EVI5: variants seen among roughly 807,000 people sequenced by gnomAD.
EVI5 encodes ecotropic viral integration site 5 protein homolog.
A neutral mutation model predicts 112.0 loss-of-function variants in EVI5; 73 were observed. The ratio of observed to expected loss-of-function variants is 0.65; its 90% CI spans 0.54 to 0.79. The LOEUF (loss-of-function observed/expected upper bound fraction) is 0.79, where lower values mean the gene tolerates loss of function less well. Ranked by LOEUF, EVI5 falls within the 30% of genes least tolerant of loss-of-function variation. The probability of loss-of-function intolerance (pLI) is 0.00; values close to 1 mark genes in which losing one functional copy is unlikely to be tolerated. For synonymous variants in EVI5, 305 were observed against 319.9 expected (o/e 0.95, Z 0.50); for missense variants, 900 against 968.8 (o/e 0.93, Z 0.94).
At chr1:92,666,073 A>G in intron 10 of EVI5, 81 bp from the exon 11 acceptor site, 1 of 827,824 alleles carries the variant, frequency 1.2e-6, no homozygotes, top group Non-Finnish European at 2.0e-6. Flanking sequence ...CTGAAAATGT[A>G]TCACCTTTTA....
chr1:92,587,060 T>C (rs1219183228), intron 18 of EVI5, among the ~76,000 whole-genome samples: 5 of 152,140 alleles, frequency 3.3e-5, no homozygotes, highest in African/African-American at 7.2e-5. Context: ...ATTCTAGATA[T>C]AGCAATATCC....
chr1:92,541,637 T>C (rs1157887059), intron 19 of EVI5, among the ~76,000 whole-genome samples: 1 of 152,146 alleles, frequency 6.6e-6, no homozygotes, highest in Non-Finnish European at 1.5e-5. Context: ...AATGAAAACA[T>C]ACGTTTATAT....
At chr1:92,525,574 T>G (rs1661737757) in intron 19 of EVI5, among the ~76,000 whole-genome samples, 1 of 152,162 alleles carries the variant, frequency 6.6e-6, no homozygotes, top group Admixed American at 6.5e-5. Flanking sequence ...CGGCCAACAA[T>G]GCTATTTTGA....
chr1:92,679,787 T>C (rs1385160112), intron 9 of EVI5, among the ~76,000 whole-genome samples: 1 of 152,226 alleles, frequency 6.6e-6, no homozygotes, highest in African/African-American at 2.4e-5. Context: ...GACCATTCCG[T>C]CCTTCAAATG....
rs146772741 is a variant in EVI5 at position 92,695,469 on chromosome 1, T to C, written c.766-16A>G. On this transcript the variant is annotated splice_polypyrimidine_tract_variant and intron_variant, in intron 6 of 19. Coordinates refer to ENST00000684568, the MANE Select transcript of EVI5 (RefSeq NM_001350197.2). ...GAAGATGCTCCTAAAGAGAAGAAAA[T>C]AATTAGTTATAACACAGTAAAACTG... The C allele has an allele frequency of 5.8e-4, 895 of 1,541,014 alleles. 7 individuals are homozygous for C. In the African/African-American group the frequency reaches 9.6e-3, roughly 16 times the overall value.
chr1:92,613,487 T>C (rs1571889456), intron 16 of EVI5, among the ~76,000 whole-genome samples: 4 of 152,214 alleles, frequency 2.6e-5, no homozygotes, highest in Admixed American at 2.0e-4. Context: ...TTAGTAGAGA[T>C]GGGGTTTCAC....
chr1:92,657,894 G>A (rs1663287701), intron 13 of EVI5, among the ~76,000 whole-genome samples: 1 of 152,030 alleles, frequency 6.6e-6, no homozygotes, highest in African/African-American at 2.4e-5. Flanking sequence ...TAGGGGAGGG[G>A]GTTGCCACAC....
chr1:92,753,134 A>AG (rs1680444510), intron 1 of EVI5, among the ~76,000 whole-genome samples: 1 of 28,980 alleles, frequency 3.5e-5, no homozygotes, highest in African/African-American at 6.3e-5. Context: ...AGAGTCAGGC[A>AG]AAAAAAAAAA....
At chr1:92,629,705 G>A (rs1184869099) in intron 14 of EVI5, among the ~76,000 whole-genome samples, 2 of 151,378 alleles carry the variant, frequency 1.3e-5, no homozygotes, top group African/African-American at 2.4e-5. Flanking sequence ...TAGGGTACAT[G>A]TGCACAATGT....
chr1:92,664,425 C>A (rs1165182684), intron 11 of EVI5, among the ~76,000 whole-genome samples: 1 of 149,726 alleles, frequency 6.7e-6, no homozygotes. Flanking sequence ...CATTCTCATT[C>A]CGAAGGTTCA....
rs1423302089 is a variant in EVI5 at position 92,605,390 on chromosome 1, C to A, written c.1987G>T (p.Val663Leu). 2.5e-6 allele frequency: 4 copies of A among 1,611,486 alleles called. No homozygotes were observed. The South Asian group carries it at 4.4e-5, about 18-fold the overall frequency. Reference sequence around the variant, plus strand: ...GCTTCCCGAAGCCTCACAGCCATCACTTCTTCCTTATTCTAGTGTGGTAAA... The same window carrying A: ...GCTTCCCGAAGCCTCACAGCCATCAATTCTTCCTTATTCTAGTGTGGTAAA... ...AEIECKNKEE[V>L]MAVRLREADS... The change falls in exon 18 of 20, where the codon GTG becomes TTG. Residue 663 changes from valine (V) to leucine (L), a missense_variant. Physicochemically the swap from Val to Leu is conservative, Grantham distance 32. Transcript: ENST00000684568.
intron 16 of EVI5, chr1:92,622,250 C>T (rs1237620960): frequency 2.5e-6 from 1 of 403,100 alleles, no homozygotes; most frequent in African/African-American, 2.1e-5. Context: ...GATAACTGTA[C>T]CTCAGTAGAA....
intron 2 of EVI5, among the ~76,000 whole-genome samples, chr1:92,711,464 C>A (rs2102615193): frequency 6.6e-6 from 1 of 152,232 alleles, no homozygotes; most frequent in South Asian, 2.1e-4. Flanking sequence ...AAGAAAGGAT[C>A]TAAGGAAGAA....
At chr1:92,754,704 G>A (rs964486114) in intron 1 of EVI5, among the ~76,000 whole-genome samples, 5 of 152,148 alleles carry the variant, frequency 3.3e-5, no homozygotes, top group South Asian at 2.1e-4. Flanking sequence ...GCTTCCCCCA[G>A]AACAAGAAAG....
rs965348926 is a variant in EVI5 at position 92,687,693 on chromosome 1, A to G, written c.1097+6109T>C. On this transcript the variant is annotated intron_variant, in intron 9 of 19. Coordinates refer to ENST00000684568, the MANE Select transcript of EVI5 (RefSeq NM_001350197.2). ...TACAAAGAACTTAAACAAATTTACA[A>G]GAAAAAGACAACTCCATCAAAAAGT... Among the ~76,000 whole-genome samples, 3 of 152,216 alleles carry G rather than the reference A, an allele frequency of 2.0e-5. 1 individual carries two copies. Among genetic ancestry groups the G allele is most frequent in the Non-Finnish European group, 2.9e-5 (2 of 68,042 alleles).
At chr1:92,711,810 A>C (rs548044286) in intron 2 of EVI5, among the ~76,000 whole-genome samples, 1 of 152,372 alleles carries the variant, frequency 6.6e-6, no homozygotes, top group African/African-American at 2.4e-5. Context: ...AACTTATTTT[A>C]GTCCATTTGA....
At chr1:92,746,714 G>A (rs967234404) in intron 1 of EVI5, among the ~76,000 whole-genome samples, 2 of 151,882 alleles carry the variant, frequency 1.3e-5, no homozygotes, top group African/African-American at 2.4e-5. Flanking sequence ...GCAATAGAGC[G>A]AGACCCTGTC....
intron 1 of EVI5, chr1:92,784,539 C>T: frequency 1.9e-6 from 1 of 525,796 alleles, no homozygotes; most frequent in South Asian, 9.8e-5. Context: ...GAGGACGTGC[C>T]CCCGAAGCTG....
chr1:92,563,858 A>C, intron 18 of EVI5, 121 bp from the exon 19 acceptor site: 1 of 501,006 alleles, frequency 2.0e-6, no homozygotes, highest in Non-Finnish European at 3.6e-6. Flanking sequence ...AATTCTGAAC[A>C]AATCCATTCT....
Sources: gnomAD v4.1 joint callset for allele counts (sites outside exome capture counted in the v4.1 genomes callset) on GRCh38, gnomAD v4.1.1 for gene constraint, MANE v1.5 for transcripts, NCBI Gene and HGNC (gene_info 2026-07-23, HGNC 2026-07-21) for gene names.